Variants in RP1 observed in about 807,000 individuals in gnomAD.
RP1 encodes RP1 axonemal microtubule associated, also known as oxygen-regulated protein 1.
RP1 carries 16 observed loss-of-function variants against 14.8 expected under a neutral mutation model. The ratio of observed to expected loss-of-function variants is 1.08; its 90% CI spans 0.73 to 1.65. The LOEUF is 1.65. Among genes scored for constraint, RP1 ranks in the 40% most tolerant of loss-of-function variants. The probability of loss-of-function intolerance (pLI) is 0.00; values close to 1 mark genes in which losing one functional copy is unlikely to be tolerated. For missense variants in RP1, 2,631 were observed against 2,535.0 expected, an observed-to-expected ratio of 1.04 and a Z score of -0.81; for synonymous variants, 876 against 883.6, an observed-to-expected ratio of 0.99 and a Z score of 0.15.
At position 54,621,264 on chromosome 8, in the gene RP1, G is replaced by T. The variant is rs773121520; in HGVS notation, c.298G>T (p.Asp100Tyr). ...CATCACGCGCCTGGAGGAGCTGGAG[G>T]ACGGCGAGTCCTACCTATGTTCCCA... ...HSITRLEELE[D>Y]GESYLCSHGR... is the part of the protein sequence containing the mutation. The change falls in exon 2 of 4, where the codon GAC (aspartate) becomes TAC (tyrosine). Residue 100 changes from aspartate (D) to tyrosine (Y), a missense_variant. Asp to Tyr is a radical substitution (Grantham distance 160). Transcript: ENST00000220676. 3 of 1,613,980 alleles carry T rather than the reference G, an allele frequency of 1.9e-6. No homozygotes were observed. The highest frequency in any genetic ancestry group is 1.3e-5 in the African/African-American group (1 of 74,928).
chr8:54,697,488 G>A (rs1309385569), intron 12 of RP1, among the ~76,000 whole-genome samples: 1 of 152,182 alleles, frequency 6.6e-6, no homozygotes, highest in African/African-American at 2.4e-5. Flanking sequence ...CTGGGAGGCA[G>A]ATGCTGCAGT....
At chr8:54,652,146 T>G (rs62514620) in intron 4 of RP1, among the ~76,000 whole-genome samples, 1,549 of 152,276 alleles carry the variant, frequency 0.01, 24 homozygotes, top group South Asian at 0.025. Flanking sequence ...TAGCTGGGAT[T>G]ACAGGCGCCT....
chr8:54,845,337 G>A (rs1261239848), intron 25 of RP1, among the ~76,000 whole-genome samples: 1 of 152,134 alleles, frequency 6.6e-6, no homozygotes, highest in Non-Finnish European at 1.5e-5. Flanking sequence ...AGCAGAGTAC[G>A]GTGCACAAGA....
chr8:54,674,314 G>A (rs1287485300), intron 8 of RP1, among the ~76,000 whole-genome samples: 4 of 152,178 alleles, frequency 2.6e-5, no homozygotes, highest in Admixed American at 6.5e-5. Flanking sequence ...ACAGCGGCAC[G>A]TTAAGGAGAC....
intron 24 of RP1, among the ~76,000 whole-genome samples, chr8:54,823,245 T>A (rs1252458937): frequency 2.0e-5 from 3 of 152,178 alleles, no homozygotes; most frequent in African/African-American, 7.2e-5. Flanking sequence ...CAAACATGCT[T>A]CTCTTTTATA....
intron 13 of RP1, among the ~76,000 whole-genome samples, chr8:54,700,293 C>T (rs901121217): frequency 1.3e-5 from 2 of 151,848 alleles, no homozygotes; most frequent in African/African-American, 2.4e-5. Context: ...ACTGCAGCCT[C>T]GAATTCCTGG....
chr8:54,788,377 C>T (rs755086010), intron 24 of RP1, among the ~76,000 whole-genome samples: 4 of 152,192 alleles, frequency 2.6e-5, no homozygotes, highest in Non-Finnish European at 4.4e-5. Context: ...TGGGTGTTAG[C>T]ATGTCATTTT....
At chr8:54,716,480 A>C (rs1474324275) in intron 15 of RP1, among the ~76,000 whole-genome samples, 4 of 152,154 alleles carry the variant, frequency 2.6e-5, no homozygotes, top group Non-Finnish European at 5.9e-5. Flanking sequence ...GTCTTTACTG[A>C]AGTGTGGCTG....
In RP1 at chr8:54,627,934, C is replaced by A. The variant is rs761296284; in HGVS notation, c.4052C>A (p.Thr1351Lys). 6.2e-7 allele frequency: 1 copy of A among 1,614,108 alleles called. No individual in the cohort carries two copies. Among genetic ancestry groups the A allele is most frequent in the Non-Finnish European group, 8.5e-7 (1 of 1,179,976 alleles). Residue 1351 changes from threonine to lysine, a missense_variant, in exon 4 of 4, where the codon ACA becomes AAA. Transcript: ENST00000220676. ...GACTTTTTAAACTCCAAAGAAAACA[C>A]ATATACTGATAACTTGGATTCAACT... The part of the protein sequence containing the change: ...TIDFLNSKEN[T>K]YTDNLDSTEE...
downstream of RP1, among the ~76,000 whole-genome samples, chr8:54,631,380 G>A (rs916728317): frequency 6.6e-6 from 1 of 152,136 alleles, no homozygotes; most frequent in African/African-American, 2.4e-5. Context: ...TGTAGTGAAT[G>A]AAAGGGCACA....
At position 54,627,580 on chromosome 8, in the gene RP1, C is replaced by G; in HGVS notation, c.3698C>G (p.Ser1233Cys). The change falls in exon 4 of 4, where the codon TCC becomes TGC. Residue 1233 changes from serine (S) to cysteine (C), a missense_variant. Transcript: ENST00000220676. ...CSENERTQGI[S>C]SLDGGCSASE... ...GAAAATGAAAGAACACAAGGAATCT[C>G]CTCTTTGGATGGAGGTTGCTCTGCC... 1 of 1,614,164 alleles carries G rather than the reference C, an allele frequency of 6.2e-7. No homozygotes were observed.
At chr8:54,843,697 G>T (rs577786305) in intron 25 of RP1, among the ~76,000 whole-genome samples, 2 of 152,106 alleles carry the variant, frequency 1.3e-5, no homozygotes, top group African/African-American at 4.8e-5. Context: ...GTTTATCTTC[G>T]GGAAGTTTGG....
At chr8:54,592,739 T>A (rs577761982) in intron 1 of RP1, among the ~76,000 whole-genome samples, 1 of 152,154 alleles carries the variant, frequency 6.6e-6, no homozygotes, top group East Asian at 1.9e-4. Context: ...AGGACTCTTA[T>A]CTTCCTGCTT....
intron 1 of RP1, among the ~76,000 whole-genome samples, chr8:54,593,277 G>T (rs781337584): frequency 6.6e-6 from 1 of 152,102 alleles, no homozygotes; most frequent in African/African-American, 2.4e-5. Flanking sequence ...CTTATCTCTT[G>T]CTTTCATTAT....
At chr8:54,846,432 C>T (rs574186172) in intron 25 of RP1, among the ~76,000 whole-genome samples, 2 of 152,228 alleles carry the variant, frequency 1.3e-5, no homozygotes, top group East Asian at 1.9e-4. Flanking sequence ...GAAAGTATTG[C>T]GTGTGATGGA....
chr8:54,559,986 G>C (rs1257261694), intron 1 of RP1, among the ~76,000 whole-genome samples: 1 of 152,198 alleles, frequency 6.6e-6, no homozygotes, highest in African/African-American at 2.4e-5. Flanking sequence ...TTTTCATATT[G>C]TTGAGACTGT....
chr8:54,779,285 C>G (rs1313091555), intron 23 of RP1, among the ~76,000 whole-genome samples: 1 of 152,152 alleles, frequency 6.6e-6, no homozygotes, highest in Non-Finnish European at 1.5e-5. Context: ...CATGGGAACA[C>G]GTTTGCTGTC....
intron 24 of RP1, among the ~76,000 whole-genome samples, chr8:54,831,571 A>G (rs1811530199): frequency 6.6e-6 from 1 of 151,350 alleles, no homozygotes; most frequent in African/African-American, 2.4e-5. Context: ...CCCTTATGCT[A>G]TTACTGTTAT....
intron 3 of RP1, among the ~76,000 whole-genome samples, chr8:54,638,838 G>A (rs1364423897): frequency 6.6e-6 from 1 of 151,446 alleles, no homozygotes; most frequent in Non-Finnish European, 1.5e-5. Context: ...TATTACCTGA[G>A]CTTGATGAAC....
Sources: gnomAD v4.1 joint callset for allele counts (sites outside exome capture counted in the v4.1 genomes callset) on GRCh38, gnomAD v4.1.1 for gene constraint, MANE v1.5 for transcripts, NCBI Gene and HGNC (gene_info 2026-07-23, HGNC 2026-07-21) for gene names.